The following TSHZ3 variants were observed in gnomAD, a reference collection of about 807,000 sequenced individuals.
The protein encoded by TSHZ3 is teashirt zinc finger homeobox 3.
Under a neutral mutation model 64.5 loss-of-function variants are expected in TSHZ3, and 10 were observed. The ratio of observed to expected loss-of-function variants is 0.16; its 90% CI spans 0.10 to 0.26. The LOEUF is 0.26. Among genes scored for constraint, TSHZ3 ranks in the 10% least tolerant of loss-of-function variants. The pLI, the probability that TSHZ3 is intolerant of heterozygous loss-of-function variation, is 1.00. For synonymous variants in TSHZ3, 608 were observed against 593.1 expected, an observed-to-expected ratio of 1.03 and a Z score of -0.36; for missense variants, 1,242 against 1,421.7, an observed-to-expected ratio of 0.87 and a Z score of 2.03.
At chr19:31,160,036 A>C (rs1974354450) in intron 5 of TSHZ3, among the ~76,000 whole-genome samples, 1 of 152,224 alleles carries the variant, frequency 6.6e-6, no homozygotes, top group Non-Finnish European at 1.5e-5. Context: ...CCCTGGAGGA[A>C]TAAATAATAC....
chr19:31,299,180 G>A (rs1175105024), intron 1 of TSHZ3, among the ~76,000 whole-genome samples: 1 of 152,180 alleles, frequency 6.6e-6, no homozygotes. Context: ...GGGTGACAGG[G>A]CGAGACTCCA....
intron 1 of TSHZ3, among the ~76,000 whole-genome samples, chr19:31,313,678 T>C (rs1261617599): frequency 6.6e-6 from 1 of 152,198 alleles, no homozygotes; most frequent in African/African-American, 2.4e-5. Flanking sequence ...TTTGGACAGA[T>C]TGGTGAGAGT....
chr19:31,270,714 A>C (rs1976123826), downstream of TSHZ3, among the ~76,000 whole-genome samples: 2 of 152,140 alleles, frequency 1.3e-5, no homozygotes, highest in Non-Finnish European at 2.9e-5. Flanking sequence ...TGATGAACTA[A>C]ATTTTAATTT....
chr19:31,274,002 G>A (rs1976183163), downstream of TSHZ3, among the ~76,000 whole-genome samples: 1 of 152,196 alleles, frequency 6.6e-6, no homozygotes, highest in East Asian at 1.9e-4. Flanking sequence ...GAGAAAGATG[G>A]AATGCCGAGA....
intron 1 of TSHZ3, among the ~76,000 whole-genome samples, chr19:31,314,389 G>T (rs142509675): frequency 6.6e-6 from 1 of 152,210 alleles, no homozygotes; most frequent in African/African-American, 2.4e-5. Flanking sequence ...GGCCGGAACC[G>T]TGTCTCACCT....
chr19:31,288,513 A>C (rs1319393451), intron 1 of TSHZ3, among the ~76,000 whole-genome samples: 3 of 152,088 alleles, frequency 2.0e-5, no homozygotes, highest in Non-Finnish European at 4.4e-5. Flanking sequence ...ATAGCAACCC[A>C]ATGTGGAGAG....
chr19:31,183,360 G>C (rs1974753888), intron 5 of TSHZ3, among the ~76,000 whole-genome samples: 1 of 152,116 alleles, frequency 6.6e-6, no homozygotes, highest in Non-Finnish European at 1.5e-5. Flanking sequence ...TCGACACCCG[G>C]CTTAGGTCTT....
intron 1 of TSHZ3, among the ~76,000 whole-genome samples, chr19:31,257,473 A>T (rs779965166): frequency 5.7e-4 from 87 of 152,344 alleles, no homozygotes; most frequent in Middle Eastern, 3.4e-3. Flanking sequence ...TGCCCAGCCA[A>T]TCGAAGGACA....
intron 5 of TSHZ3, among the ~76,000 whole-genome samples, chr19:31,179,143 T>A (rs552014379): frequency 8.5e-4 from 129 of 151,870 alleles, no homozygotes; most frequent in African/African-American, 3.1e-3. Context: ...CTCACAACAA[T>A]GGGGAAAGGG....
At chr19:31,212,545 T>C (rs1265638338) in intron 4 of TSHZ3, among the ~76,000 whole-genome samples, 1 of 152,112 alleles carries the variant, frequency 6.6e-6, no homozygotes, top group Non-Finnish European at 1.5e-5. Context: ...AACAATAAGA[T>C]GCCACTACAC....
chr19:31,315,366 G>A (rs1158970864), intron 1 of TSHZ3, among the ~76,000 whole-genome samples: 2 of 152,184 alleles, frequency 1.3e-5, no homozygotes, highest in East Asian at 1.9e-4. Context: ...CATCACTTGG[G>A]ACTGATAAGT....
chr19:31,289,186 AT>A (rs1976518650), intron 1 of TSHZ3, among the ~76,000 whole-genome samples: 1 of 152,206 alleles, frequency 6.6e-6, no homozygotes, highest in Non-Finnish European at 1.5e-5. Flanking sequence ...GCTGTCGGGA[AT>A]CTGGGAGGCA....
intron 1 of TSHZ3, among the ~76,000 whole-genome samples, chr19:31,332,127 G>A (rs556794485): frequency 6.6e-6 from 1 of 152,222 alleles, no homozygotes; most frequent in East Asian, 1.9e-4. Context: ...GCAAAACCTA[G>A]GCTGATTCTC....
chr19:31,311,726 A>G (rs1916464200), intron 1 of TSHZ3, among the ~76,000 whole-genome samples: 1 of 151,666 alleles, frequency 6.6e-6, no homozygotes. Context: ...ACCCCTCTTT[A>G]TTTGTTTGTT....
chr19:31,316,708 G>A (rs2145161398), intron 1 of TSHZ3, among the ~76,000 whole-genome samples: 1 of 152,250 alleles, frequency 6.6e-6, no homozygotes, highest in East Asian at 1.9e-4. Context: ...GGAAGGAAAT[G>A]TTCAAGTGTC....
In TSHZ3 at chr19:31,206,819, G is replaced by A. The variant is rs536929588; in HGVS notation, n.687-1741C>T. On this transcript the variant is annotated intron_variant and non_coding_transcript_variant, in intron 4 of 6. Transcript: ENST00000651361. ...CAGAATCTCATCTCTATATGTAGAAGATTTTTAAACAAAAAGCCACGTTTA... is the reference window on the plus strand; with the variant it reads ...CAGAATCTCATCTCTATATGTAGAAAATTTTTAAACAAAAAGCCACGTTTA... Among the ~76,000 whole-genome samples the A allele has an allele frequency of 4.6e-5, 7 of 152,260 alleles. No homozygotes were observed. In the East Asian group the frequency reaches 9.6e-4, roughly 21 times the overall value.
intron 1 of TSHZ3, among the ~76,000 whole-genome samples, chr19:31,336,101 G>A (rs1402734815): frequency 1.3e-5 from 2 of 152,192 alleles, no homozygotes; most frequent in Non-Finnish European, 2.9e-5. Context: ...GAAGAGAATG[G>A]TGTGAAAATC....
chr19:31,276,535 C>T lies in TSHZ3; in HGVS notation c.*12G>A. 1 of 1,531,258 alleles carries T rather than the reference C, an allele frequency of 6.5e-7. No homozygotes were observed. Among genetic ancestry groups the T allele is most frequent in the Non-Finnish European group, 8.8e-7 (1 of 1,137,200 alleles). 94.9% of individuals were successfully genotyped at this position (1,531,258 alleles called of 1,614,324 possible). On this transcript the variant is annotated 3_prime_UTR_variant, in exon 2 of 2. Coordinates refer to ENST00000240587, the MANE Select transcript of TSHZ3 (RefSeq NM_020856.4). The stretch of plus-strand genomic sequence containing the variant: ...CAAAGCAAACTGCAGTCCTTTCTAT[C>T]AAAAGCAAATGCTACTGCTTCTCTA...
At chr19:31,339,348 C>G (rs1917357130) in intron 1 of TSHZ3, among the ~76,000 whole-genome samples, 1 of 152,116 alleles carries the variant, frequency 6.6e-6, no homozygotes, top group African/African-American at 2.4e-5. Flanking sequence ...TCTCCCGTGC[C>G]TCTGCCAATC....
Sources: allele counts gnomAD v4.1 joint callset (sites outside exome capture counted in the v4.1 genomes callset), GRCh38; gene constraint gnomAD v4.1.1; transcripts MANE v1.5; gene names NCBI Gene and HGNC (gene_info 2026-07-23, HGNC 2026-07-21).